ZNF567: variants seen among roughly 807,000 people sequenced by gnomAD.
ZNF567 encodes zinc finger protein 567.
Under a neutral mutation model 53.9 loss-of-function variants are expected in ZNF567, and 36 were observed. That is an observed-to-expected ratio of 0.67 (90% CI 0.51 to 0.88). The LOEUF is 0.88. Among genes scored for constraint, ZNF567 ranks in the 40% least tolerant of loss-of-function variants. ZNF567 has a pLI of 0.00. For synonymous variants in ZNF567, 224 were observed against 260.4 expected, an observed-to-expected ratio of 0.86 and a Z score of 1.35; for missense variants, 619 against 764.7, an observed-to-expected ratio of 0.81 and a Z score of 2.25.
chr19:36,677,113 C>G, the ZNF567 span, among the ~76,000 whole-genome samples: 1 of 141,180 alleles, frequency 7.1e-6, no homozygotes, highest in East Asian at 2.1e-4. Context: ...CAAGACCATG[C>G]CATTGCACTC....
At chr19:36,685,747 TG>T (rs2038253131), upstream of ZNF567, 1 of 152,224 alleles carries the variant, frequency 6.6e-6, no homozygotes, top group African/African-American at 2.4e-5. Flanking sequence ...AGTTATTTAT[TG>T]CTATATAACC....
Position 36,702,280 on chromosome 19 carries a change from C to T in ZNF567, c.9+7404C>T, listed in dbSNP as rs543869621. Among the ~76,000 whole-genome samples the T allele has an allele frequency of 8.5e-5, 13 of 152,294 alleles. No homozygotes were observed. In the East Asian group the frequency reaches 2.5e-3, roughly 29 times the overall value. On this transcript the variant is annotated intron_variant, in intron 3 of 5. Transcript: ENST00000682579. ...CACTGTCTTCTGGCTTGTAGAGTTT[C>T]TGGCGAGAGATCCGCTGTTAGTCTG...
downstream of ZNF567, among the ~76,000 whole-genome samples, chr19:36,724,326 T>A (rs1443406038): frequency 2.6e-5 from 4 of 151,232 alleles, no homozygotes; most frequent in African/African-American, 9.7e-5. Context: ...TTTTTAACAA[T>A]CATCATTCTG....
At chr19:36,679,556 A>G in the ZNF567 span, among the ~76,000 whole-genome samples, 1 of 152,234 alleles carries the variant, frequency 6.6e-6, no homozygotes, top group East Asian at 1.9e-4. Context: ...ATTATTCACA[A>G]TAACTAAGAT....
chr19:36,713,943 T>A (rs1322047771), intron 5 of ZNF567, among the ~76,000 whole-genome samples: 5 of 151,766 alleles, frequency 3.3e-5, no homozygotes, highest in African/African-American at 4.8e-5. Flanking sequence ...TCAAAAAAAA[T>A]AATAATACAC....
Position 36,719,387 on chromosome 19 carries a change from A to G in ZNF567, c.663A>G (p.Gln221=), listed in dbSNP as rs1482070930. 6.2e-7 allele frequency: 1 copy of G among 1,613,854 alleles called. No homozygotes were observed. Among genetic ancestry groups the G allele is most frequent in the African/African-American group, 1.3e-5 (1 of 74,910 alleles). ...GYNDCEKSFL[Q]RGGLITHSRP... is the part of the protein sequence containing the mutation. ...ATGACTGTGAGAAATCATTCCTTCA[A>G]AGGGGAGGCCTGATTACACATAGTA... Residue 221 remains glutamine, a synonymous_variant, in exon 6 of 6, where the codon CAA becomes CAG. Coordinates refer to ENST00000682579, the MANE Select transcript of ZNF567 (RefSeq NM_001322917.1).
the ZNF567 span, among the ~76,000 whole-genome samples, chr19:36,670,282 G>A: frequency 4.6e-5 from 7 of 152,012 alleles, no homozygotes; most frequent in African/African-American, 9.7e-5. Context: ...CTTAGTAACC[G>A]GCAGAATCCC....
intron 3 of ZNF567, among the ~76,000 whole-genome samples, chr19:36,705,110 G>A (rs2039424866): frequency 6.6e-6 from 1 of 152,080 alleles, no homozygotes; most frequent in African/African-American, 2.4e-5. Flanking sequence ...TTGGCTACAG[G>A]TATATCAATG....
intron 3 of ZNF567, among the ~76,000 whole-genome samples, chr19:36,705,065 G>A (rs1006563748): frequency 6.6e-6 from 1 of 151,952 alleles, no homozygotes; most frequent in Non-Finnish European, 1.5e-5. Context: ...TCTTGTTATT[G>A]ATGATTTGTA....
chr19:36,676,527 C>T, the ZNF567 span, among the ~76,000 whole-genome samples: 4 of 152,146 alleles, frequency 2.6e-5, no homozygotes, highest in African/African-American at 4.8e-5. Flanking sequence ...TCCCATTTCC[C>T]TCAGGGTCCT....
At chr19:36,678,229 G>A in the ZNF567 span, among the ~76,000 whole-genome samples, 2 of 152,294 alleles carry the variant, frequency 1.3e-5, no homozygotes, top group East Asian at 3.9e-4. Flanking sequence ...TCAGTGGCCA[G>A]TGGAGAGAAC....
At chr19:36,714,555 T>G (rs2039952487) in intron 5 of ZNF567, 1 of 397,622 alleles carries the variant, frequency 2.5e-6, no homozygotes, top group African/African-American at 2.1e-5. Context: ...ACTTAACATT[T>G]CCTTTCCTTC....
chr19:36,707,486 T>G (rs2039557015), intron 3 of ZNF567, among the ~76,000 whole-genome samples: 1 of 152,214 alleles, frequency 6.6e-6, no homozygotes, highest in Non-Finnish European at 1.5e-5. Context: ...TCTCTAGAAC[T>G]TTTCTTTGAT....
At chr19:36,667,509 A>C in the ZNF567 span, among the ~76,000 whole-genome samples, 4 of 152,090 alleles carry the variant, frequency 2.6e-5, no homozygotes, top group African/African-American at 9.6e-5. Context: ...CAAACAAACA[A>C]ACAAAACTGT....
upstream of ZNF567, among the ~76,000 whole-genome samples, chr19:36,683,018 T>C (rs1306161635): frequency 6.6e-6 from 1 of 152,066 alleles, no homozygotes; most frequent in Non-Finnish European, 1.5e-5. Context: ...TGTTCATTTC[T>C]TTTACTCACT....
intron 4 of ZNF567, 134 bp downstream of exon 4, chr19:36,712,646 A>G: frequency 7.0e-7 from 1 of 1,429,184 alleles, no homozygotes. Flanking sequence ...TTGTGTCTTC[A>G]CTTACCCAGT....
Position 36,720,751 on chromosome 19 carries a change from A to G in ZNF567, c.*83A>G. 8.0e-7 allele frequency: 1 copy of G among 1,254,474 alleles called. No homozygotes were observed. Among genetic ancestry groups the G allele is most frequent in the Non-Finnish European group, 1.1e-6 (1 of 929,244 alleles). 77.7% of individuals were successfully genotyped at this position (1,254,474 alleles called of 1,614,324 possible). A position where few individuals can be genotyped will look rare whatever the true frequency, so the allele number is the denominator to read the frequency against. Reference sequence around the variant, plus strand: ...AAGAAAAGCATGCTGAAACATGTTAATGTAATTTTAAATCACAAGTCTAAT... The same window carrying G: ...AAGAAAAGCATGCTGAAACATGTTAGTGTAATTTTAAATCACAAGTCTAAT... On this transcript the variant is annotated 3_prime_UTR_variant, in exon 6 of 6. Transcript: ENST00000682579.
chr19:36,723,016 A>T (rs974482154), downstream of ZNF567, among the ~76,000 whole-genome samples: 1 of 152,268 alleles, frequency 6.6e-6, no homozygotes, highest in East Asian at 1.9e-4. Context: ...TAATAAACCT[A>T]TTAAAGTAAC....
At chr19:36,673,617 A>G in the ZNF567 span, among the ~76,000 whole-genome samples, 1 of 152,170 alleles carries the variant, frequency 6.6e-6, no homozygotes, top group South Asian at 2.1e-4. Flanking sequence ...TTTTGGACGT[A>G]CCAAGGCTCC....
Sources: gnomAD v4.1 joint callset for allele counts (sites outside exome capture counted in the v4.1 genomes callset) on GRCh38, gnomAD v4.1.1 for gene constraint, MANE v1.5 for transcripts, NCBI Gene and HGNC (gene_info 2026-07-23, HGNC 2026-07-21) for gene names.